DNAH3: variants seen among roughly 807,000 people sequenced by gnomAD.
The protein encoded by DNAH3 is axonemal beta dynein heavy chain 3.
Under a neutral mutation model 432.5 loss-of-function variants are expected in DNAH3, and 332 were observed. The ratio of observed to expected loss-of-function variants is 0.77; its 90% CI spans 0.70 to 0.84. The LOEUF is 0.84. Among genes scored for constraint, DNAH3 ranks in the 40% least tolerant of loss-of-function variants. The pLI, the probability that DNAH3 is intolerant of heterozygous loss-of-function variation, is 0.00. For synonymous variants in DNAH3, 1,956 were observed against 1,900.2 expected, an observed-to-expected ratio of 1.03 and a Z score of -0.76; for missense variants, 4,861 against 5,114.0, an observed-to-expected ratio of 0.95 and a Z score of 1.51.
At chr16:21,109,832 G>A (rs2092030636) in intron 14 of DNAH3, among the ~76,000 whole-genome samples, 1 of 151,732 alleles carries the variant, frequency 6.6e-6, no homozygotes, top group South Asian at 2.1e-4. Flanking sequence ...TCGACTTCTG[G>A]GGCTCAAGTG....
intron 17 of DNAH3, 34 bp downstream of exon 17, chr16:21,098,582 C>A (rs1597372939): frequency 3.8e-6 from 6 of 1,593,344 alleles, no homozygotes; most frequent in East Asian, 4.5e-5. Context: ...TAGACCAGTA[C>A]AGTGTCATAA....
At chr16:20,991,702 A>T (rs1267171494) in intron 44 of DNAH3, among the ~76,000 whole-genome samples, 1 of 152,142 alleles carries the variant, frequency 6.6e-6, no homozygotes, top group African/African-American at 2.4e-5. Flanking sequence ...TTACATACTT[A>T]TGATGCAGTT....
chr16:20,967,311 G>A (rs913364489), intron 52 of DNAH3, among the ~76,000 whole-genome samples: 1 of 151,942 alleles, frequency 6.6e-6, no homozygotes, highest in African/African-American at 2.4e-5. Flanking sequence ...ATTTAATGAT[G>A]GGTTCTGTGC....
At chr16:21,039,829 A>G (rs760684294) in intron 33 of DNAH3, 23 bp downstream of exon 33, 1 of 1,552,014 alleles carries the variant, frequency 6.4e-7, no homozygotes. Flanking sequence ...TTTAGAATGC[A>G]CTGGAAAACC....
intron 49 of DNAH3, 25 bp downstream of exon 49, chr16:20,982,696 G>T (rs1351865818): frequency 3.1e-6 from 5 of 1,600,566 alleles, no homozygotes. Flanking sequence ...AATATCTAGA[G>T]TCCTAAAATG....
At chr16:20,995,790 C>T (rs2086739520) in intron 44 of DNAH3, among the ~76,000 whole-genome samples, 1 of 152,158 alleles carries the variant, frequency 6.6e-6, no homozygotes, top group East Asian at 1.9e-4. Context: ...GCTAGCATCC[C>T]CTTCAGAGCT....
rs147855237 is a variant in DNAH3, at chr16:20,971,882, G to A, written c.8260-1892C>T. Among the ~76,000 whole-genome samples the A allele has an allele frequency of 4.7e-3, 717 of 152,286 alleles. 8 individuals carry two copies. Among genetic ancestry groups the A allele is most frequent in the African/African-American group, 0.016 (664 of 41,558 alleles). On this transcript the variant is annotated intron_variant, in intron 51 of 61. Coordinates refer to ENST00000261383, the Ensembl canonical transcript of DNAH3. ...AAGAATCACTAACATAGACCCTTACGCTCTGGCACAGGCTACAAATGTTAC... is the reference window on the plus strand; with the variant it reads ...AAGAATCACTAACATAGACCCTTACACTCTGGCACAGGCTACAAATGTTAC...
chr16:20,984,985 G>T, intron 48 of DNAH3, 64 bp downstream of exon 48: 1 of 1,370,018 alleles, frequency 7.3e-7, no homozygotes. Flanking sequence ...GGCCTGCTCA[G>T]GGCACTCAGA....
intron 28 of DNAH3, among the ~76,000 whole-genome samples, chr16:21,052,534 G>C (rs972223420): frequency 5.9e-5 from 9 of 152,150 alleles, no homozygotes; most frequent in African/African-American, 2.2e-4. Flanking sequence ...TGACCTCTCT[G>C]TTCTTCAGTT....
rs533654331 is a variant in DNAH3, at chr16:21,028,366, G to A, written c.5440-1239C>T. On this transcript the variant is annotated intron_variant, in intron 37 of 61. Coordinates refer to ENST00000261383, the Ensembl canonical transcript of DNAH3. ...GCCCATAAATCTTTTTTAGAATAGA[G>A]TGAAAGAAGCTAGGCACAGTGGCTC... Among the ~76,000 whole-genome samples the A allele has an allele frequency of 2.0e-5, 3 of 152,084 alleles. No homozygotes were observed. The South Asian group carries it at 6.2e-4, about 32-fold the overall frequency.
intron 28 of DNAH3, among the ~76,000 whole-genome samples, chr16:21,054,126 C>T (rs572183714): frequency 2.6e-5 from 4 of 152,254 alleles, no homozygotes; most frequent in East Asian, 1.9e-4. Flanking sequence ...ATATTATCTA[C>T]GGCTAGCCAA....
intron 19 of DNAH3, among the ~76,000 whole-genome samples, chr16:21,083,993 T>G (rs1383244419): frequency 1.3e-5 from 2 of 152,182 alleles, no homozygotes; most frequent in East Asian, 3.9e-4. Context: ...TCTCTCACTG[T>G]GGTTTACTGC....
chr16:21,132,644 G>T (rs1197337244), intron 7 of DNAH3, among the ~76,000 whole-genome samples: 1 of 152,166 alleles, frequency 6.6e-6, no homozygotes, highest in Non-Finnish European at 1.5e-5. Context: ...AGACACAAAA[G>T]ATCATATATT....
At chr16:20,994,557 C>T (rs2086684550) in intron 44 of DNAH3, among the ~76,000 whole-genome samples, 1 of 152,196 alleles carries the variant, frequency 6.6e-6, no homozygotes, top group Admixed American at 6.5e-5. Context: ...AGCACATTCA[C>T]GTTGTCGTGC....
intron 56 of DNAH3, 95 bp downstream of exon 56, chr16:20,952,338 G>T: frequency 1.3e-6 from 1 of 755,954 alleles, no homozygotes; most frequent in South Asian, 1.5e-5. Flanking sequence ...GAGGGAGGGA[G>T]GGAGTACATA....
At chr16:21,136,641 A>G (rs916315569) in intron 5 of DNAH3, 128 bp from the exon 7 acceptor site, 2 of 854,026 alleles carry the variant, frequency 2.3e-6, no homozygotes, top group Non-Finnish European at 3.8e-6. Context: ...TGCCATAACC[A>G]TGCATTCTGG....
intron 17 of DNAH3, among the ~76,000 whole-genome samples, chr16:21,098,239 C>T (rs2091739560): frequency 6.6e-6 from 1 of 151,746 alleles, no homozygotes; most frequent in South Asian, 2.1e-4. Flanking sequence ...GTCAGGAGTT[C>T]AAGACCAGCC....
At chr16:20,945,022 G>A (rs2083983120) in intron 57 of DNAH3, among the ~76,000 whole-genome samples, 1 of 152,116 alleles carries the variant, frequency 6.6e-6, no homozygotes, top group African/African-American at 2.4e-5. Context: ...TAGGGACTGG[G>A]TAAAATAAGG....
exon 60 of DNAH3, chr16:20,936,673 C>T: frequency 6.2e-7 from 1 of 1,601,604 alleles, no homozygotes; most frequent in South Asian, 1.1e-5. Context: ...GGCGGGCCAG[C>T]AGGTCAGCCA....
Sources: gnomAD v4.1 joint callset for allele counts (sites outside exome capture counted in the v4.1 genomes callset) on GRCh38, gnomAD v4.1.1 for gene constraint, MANE v1.5 for transcripts, NCBI Gene and HGNC (gene_info 2026-07-23, HGNC 2026-07-21) for gene names.